AHNAK2: variants seen among roughly 807,000 people sequenced by gnomAD.
AHNAK2 encodes AHNAK nucleoprotein 2.
AHNAK2 carries 18 observed loss-of-function variants against 30.7 expected under a neutral mutation model. The observed-to-expected ratio is 0.59, with a 90% CI of 0.41 to 0.87. The LOEUF is 0.87. Among genes scored for constraint, AHNAK2 ranks in the 40% least tolerant of loss-of-function variants. The pLI, the probability that AHNAK2 is intolerant of heterozygous loss-of-function variation, is 0.00. For synonymous variants in AHNAK2, 3,590 were observed against 3,073.8 expected (o/e 1.17, Z -5.56); for missense variants, 8,604 against 7,373.0 (o/e 1.17, Z -6.11).
At position 104,952,032 on chromosome 14, in the gene AHNAK2, A is replaced by G. The variant is rs746620901; in HGVS notation, c.3419T>C (p.Leu1140Pro). 1.9e-6 allele frequency: 3 copies of G among 1,612,526 alleles called. No homozygotes were observed. The East Asian group carries it at 6.7e-5, about 36-fold the overall frequency. ...EVDVEAPGAKLDSARLEGELS... is the reference protein window; with the variant it reads ...EVDVEAPGAKPDSARLEGELS... ...TTCCCCCTCCAGCCGCGCACTGTCC[A>G]GCTTGGCTCCCGGGGCCTCGACGTC... The change falls in exon 7 of 7, where the codon CTG becomes CCG. Residue 1140 changes from leucine to proline, a missense_variant. Physicochemically the swap from Leu to Pro is moderately conservative, Grantham distance 98. Transcript: ENST00000333244.
Position 104,953,072 on chromosome 14 carries a change from C to G in AHNAK2, c.2379G>C (p.Lys793Asn). The G allele has an allele frequency of 1.9e-6, 3 of 1,613,436 alleles. No homozygotes were observed. The highest frequency in any genetic ancestry group is 1.1e-5 in the South Asian group (1 of 91,066). The change falls in exon 7 of 7, where the codon AAG becomes AAC. Residue 793 changes from lysine to asparagine, a missense_variant. By Grantham distance (94) the Lys-to-Asn change is moderately conservative (BLOSUM62 0). Coordinates refer to ENST00000333244, the MANE Select transcript of AHNAK2 (RefSeq NM_138420.4). ...CCACCTCCATGCTGGACAGAGACAT[C>G]TTCACATCGGGGGCTGTCACTTCCG... Reference protein sequence around the residue: ...PKAEVTAPDVKMSLSSMEVDV... With the variant: ...PKAEVTAPDVNMSLSSMEVDV...
At position 104,961,500 on chromosome 14, in the gene AHNAK2, G is replaced by C. The variant is rs1366244001; in HGVS notation, c.56-3828C>G. ...ACTGCACTCCAGCCTGGGTGACAGC[G>C]AGACCCCATCTTAAAAAAAAAAAAA... On this transcript the variant is annotated intron_variant, in intron 1 of 6. Transcript: ENST00000333244. Among the ~76,000 whole-genome samples the C allele has an allele frequency of 4.1e-5, 6 of 147,232 alleles. No homozygotes were observed. In the East Asian group the frequency reaches 1.2e-3, roughly 30 times the overall value.
Position 104,941,733 on chromosome 14 carries a change from A to T in AHNAK2, c.13718T>A (p.Leu4573Gln). 6.2e-7 allele frequency: 1 copy of T among 1,613,836 alleles called. No homozygotes were observed. Among genetic ancestry groups the T allele is most frequent in the East Asian group, 2.2e-5 (1 of 44,852 alleles). ...GPQVDVKGPKLDLKGPKAEVM... is the reference protein window; with the variant it reads ...GPQVDVKGPKQDLKGPKAEVM... ...CTCTGCCTTTGGGCCTTTCAGGTCC[A>T]GCTTGGGGCCCTTGACGTCCACCTG... Residue 4573 changes from leucine (L) to glutamine (Q), a missense_variant, in exon 7 of 7, where the codon CTG becomes CAG. Physicochemically the swap from Leu to Gln is moderately radical, Grantham distance 113. Coordinates refer to ENST00000333244, the MANE Select transcript of AHNAK2 (RefSeq NM_138420.4).
At position 104,947,634 on chromosome 14, in the gene AHNAK2, T is replaced by A. The variant is rs1173253246; in HGVS notation, c.7817A>T (p.Asp2606Val). 5.6e-6 allele frequency: 9 copies of A among 1,612,668 alleles called. No homozygotes were observed. The highest frequency in any genetic ancestry group is 7.6e-6 in the Non-Finnish European group (9 of 1,179,606). The stretch of plus-strand genomic sequence containing the variant: ...CATGCTGGACAGAGACATCTCCACA[T>A]CGGGGGCTGTCACTTCCGCCTTGGG... Reference protein sequence around the residue: ...KGPKAEVTAPDVEMSLSSMEV... With the variant: ...KGPKAEVTAPVVEMSLSSMEV... Residue 2606 changes from aspartate to valine, a missense_variant, in exon 7 of 7, where the codon GAT (aspartate) becomes GTT (valine). Transcript: ENST00000333244.
Position 104,954,837 on chromosome 14 carries a change from C to T in AHNAK2, c.652-38G>A, listed in dbSNP as rs923047276. Reference sequence around the variant, plus strand: ...GAGAGGGAATCTGTTGGTGCCAGTCCAAGAAGCCTGGGGCCCTGGCCCAGG... The same window carrying T: ...GAGAGGGAATCTGTTGGTGCCAGTCTAAGAAGCCTGGGGCCCTGGCCCAGG... On this transcript the variant is annotated intron_variant, in intron 6 of 6. Transcript: ENST00000333244. This position sits in a 1 kb window ranked among gnomAD's most constrained non-coding sequence, Gnocchi z 4.3. 1 of 1,539,666 alleles carries T rather than the reference C, an allele frequency of 6.5e-7. No individual in the cohort carries two copies. Among genetic ancestry groups the T allele is most frequent in the African/African-American group, 1.4e-5 (1 of 72,488 alleles).
chr14:104,957,641 T>C lies in AHNAK2; in HGVS notation c.87A>G (p.Pro29=), dbSNP rs1899017339. 3 of 1,611,160 alleles carry C rather than the reference T, an allele frequency of 1.9e-6. No homozygotes were observed. The highest frequency in any genetic ancestry group is 2.5e-6 in the Non-Finnish European group (3 of 1,179,280). Reference sequence around the variant, plus strand: ...AGTGGTCATCTTCCGTTTCTGCACCTGGCTCCCCGGGCTGCAGCTGACGGC... The same window carrying C: ...AGTGGTCATCTTCCGTTTCTGCACCCGGCTCCCCGGGCTGCAGCTGACGGC... ...VSGRQLQPGE[P]GAETEDDHSV... Residue 29 remains proline, a synonymous_variant, in exon 2 of 7, where the codon CCA becomes CCG. Coordinates refer to ENST00000333244, the MANE Select transcript of AHNAK2 (RefSeq NM_138420.4).
chr14:104,949,511 G>C lies in AHNAK2; in HGVS notation c.5940C>G (p.Asp1980Glu), dbSNP rs563896817. The C allele has an allele frequency of 1.1e-4, 182 of 1,585,638 alleles. 16 individuals are homozygous for C. In the African/African-American group the frequency reaches 2.0e-3, roughly 17 times the overall value. The change falls in exon 7 of 7, where the codon GAC (aspartate) becomes GAG (glutamate). Residue 1980 changes from aspartate (D) to glutamate (E), a missense_variant. Asp to Glu is a conservative substitution (Grantham distance 45). Transcript: ENST00000333244. Reference sequence around the variant, plus strand: ...TGAACTTGCTGTCTTTGGCAGTCATGTCCTTGTCGGCCAGGGACAGGTCTC... The same window carrying C: ...TGAACTTGCTGTCTTTGGCAGTCATCTCCTTGTCGGCCAGGGACAGGTCTC... ...LEGDLSLADK[D>E]MTAKDSKFKM...
Position 104,942,899 on chromosome 14 carries a change from C to A in AHNAK2, c.12552G>T (p.Gln4184His). 1 of 1,612,862 alleles carries A rather than the reference C, an allele frequency of 6.2e-7. No homozygotes were observed. The highest frequency in any genetic ancestry group is 8.5e-7 in the Non-Finnish European group (1 of 1,179,542). Residue 4184 changes from glutamine (Q) to histidine (H), a missense_variant, in exon 7 of 7, where the codon CAG becomes CAT. Gln to His is a conservative substitution (Grantham distance 24). Coordinates refer to ENST00000333244, the MANE Select transcript of AHNAK2 (RefSeq NM_138420.4). ...GGACCTCCAGGTCGGCGGAAGGGGA[C>A]TGAATGCTGAGGTCAGTGGTCTTGA... ...GDLKTTDLSI[Q>H]SPSADLEVQA...
At chr14:104,976,793 A>G (rs1428694857) in intron 1 of AHNAK2, among the ~76,000 whole-genome samples, 1 of 127,352 alleles carries the variant, frequency 7.9e-6, no homozygotes, top group Non-Finnish European at 2.0e-5. Flanking sequence ...GAAGCAGAGC[A>G]GAAAGGCTGT....
In AHNAK2 at chr14:104,940,337, G is replaced by A. The variant is rs761470426; in HGVS notation, c.15114C>T (p.Val5038=). ...GATCCACGTCTCTCTGTGGCAGGCT[G>A]ACCCCACTCTTAGAAGCCTTCATTT... The part of the protein sequence containing the change: ...LPKMKASKSG[V]SLPQRDVDPS... The change falls in exon 7 of 7, where the codon GTC becomes GTT. Residue 5038 remains valine, a synonymous_variant. Transcript: ENST00000333244. This position sits in a 1 kb window ranked among gnomAD's most constrained non-coding sequence, Gnocchi z 4.4. 1.2e-6 allele frequency: 2 copies of A among 1,613,788 alleles called. No homozygotes were observed. The highest frequency in any genetic ancestry group is 2.2e-5 in the South Asian group (2 of 91,076).
At position 104,953,701 on chromosome 14, in the gene AHNAK2, T is replaced by G. The variant is rs541264816; in HGVS notation, c.1750A>C (p.Lys584Gln). ...CATCCTAAGGAGGGTATCTTGAACT[T>G]GGGCATTCTTATCTGTCCTTCTGTG... is the stretch of plus-strand genomic sequence containing the variant. Reference protein sequence around the residue: ...EDTEGQIRMPKFKIPSLGWSP... With the variant: ...EDTEGQIRMPQFKIPSLGWSP... The change falls in exon 7 of 7, where the codon AAG becomes CAG. Residue 584 changes from lysine to glutamine, a missense_variant. Transcript: ENST00000333244. The G allele has an allele frequency of 6.2e-7, 1 of 1,613,986 alleles. No individual in the cohort carries two copies.
chr14:104,942,670 G>A lies in AHNAK2; in HGVS notation c.12781C>T (p.Leu4261=), dbSNP rs768715378. 1.6e-5 allele frequency: 26 copies of A among 1,613,318 alleles called. No homozygotes were observed. The highest frequency in any genetic ancestry group is 2.1e-5 in the Non-Finnish European group (25 of 1,179,714). The change falls in exon 7 of 7, where the codon CTG becomes TTG. Residue 4261 remains leucine (L), a synonymous_variant. Coordinates refer to ENST00000333244, the MANE Select transcript of AHNAK2 (RefSeq NM_138420.4). ...TCGACGTCCACCTCCATGCTGGGCA[G>A]AGACACCTCCACGACGGGGGTCATC... ...DVMTPVVEVS[L]PSMEVDVEAP...
Position 104,939,563 on chromosome 14 carries a change from C to A in AHNAK2, c.15888G>T (p.Glu5296Asp). The A allele has an allele frequency of 6.2e-7, 1 of 1,613,858 alleles. No individual in the cohort carries two copies. Among genetic ancestry groups the A allele is most frequent in the East Asian group, 2.2e-5 (1 of 44,884 alleles). ...GTCCTTTGGATGGATGGATCCTGACCTCAGAAGTGGAAAGCTCATCCCCAG... is the reference window on the plus strand; with the variant it reads ...GTCCTTTGGATGGATGGATCCTGACATCAGAAGTGGAAAGCTCATCCCCAG... ...GMTGDELSTS[E>D]VRIHPSKGPL... Residue 5296 changes from glutamate (E) to aspartate (D), a missense_variant, in exon 7 of 7, where the codon GAG becomes GAT. Transcript: ENST00000333244.
chr14:104,951,056 G>A lies in AHNAK2; in HGVS notation c.4395C>T (p.Ala1465=), dbSNP rs368338741. 23 of 1,062,454 alleles carry A rather than the reference G, an allele frequency of 2.2e-5. 1 individual carries two copies. In the East Asian group the frequency reaches 3.9e-4, roughly 18 times the overall value. The allele number at this position is 1,062,454 out of a possible 1,614,324, so 65.8% of individuals were successfully genotyped here. ...GTCCACCATCCAGCTTGGCTCCTGG[G>A]GCCTCGACATCCACCTCCACGCTGG... is the stretch of plus-strand genomic sequence containing the variant. ...SLPSVEVDVE[A]PGAKLDGGRL... is the part of the protein sequence containing the mutation. The change falls in exon 7 of 7, where the codon GCC becomes GCT. Residue 1465 remains alanine, a synonymous_variant. Transcript: ENST00000333244.
At position 104,948,884 on chromosome 14, in the gene AHNAK2, G is replaced by A; in HGVS notation, c.6567C>T (p.Leu2189=). ...TCTTGAGGTCCCCCTGCATGGAGGGGAGACTCATGTCGGCCTCCACCTTGG... is the reference window on the plus strand; with the variant it reads ...TCTTGAGGTCCCCCTGCATGGAGGGAAGACTCATGTCGGCCTCCACCTTGG... The part of the protein sequence containing the change: ...SPPKVEADMS[L]PSMQGDLKTT... The change falls in exon 7 of 7, where the codon CTC becomes CTT. Residue 2189 remains leucine (L), a synonymous_variant. Transcript: ENST00000333244. 1.2e-6 allele frequency: 2 copies of A among 1,609,044 alleles called. No homozygotes were observed. The highest frequency in any genetic ancestry group is 1.7e-6 in the Non-Finnish European group (2 of 1,177,916).
In AHNAK2 at chr14:104,940,010, A is replaced by G. The variant is rs1175859370; in HGVS notation, c.15441T>C (p.Cys5147=). ...GLGDVPVSQP[C]GEGIAPTPED... ...CAGGTGTGGGGGCTATCCCCTCCCC[A>G]CAAGGCTGGCTCACTGGGACATCCC... The change falls in exon 7 of 7, where the codon TGT becomes TGC. Residue 5147 remains cysteine, a synonymous_variant. Coordinates refer to ENST00000333244, the MANE Select transcript of AHNAK2 (RefSeq NM_138420.4). This position sits in a 1 kb window ranked among gnomAD's most constrained non-coding sequence, Gnocchi z 4.4. 4 of 1,612,716 alleles carry G rather than the reference A, an allele frequency of 2.5e-6. No homozygotes were observed. The highest frequency in any genetic ancestry group is 3.3e-4 in the Middle Eastern group (2 of 6,062).
rs759586976 is a variant in AHNAK2, at chr14:104,947,781, G to A, written c.7670C>T (p.Pro2557Leu). 6.2e-6 allele frequency: 10 copies of A among 1,612,496 alleles called. No individual in the cohort carries two copies. Among genetic ancestry groups the A allele is most frequent in the African/African-American group, 2.7e-5 (2 of 74,408 alleles). ...VDVKLPEGPV[P>L]EGAGLKGHLP... Reference sequence around the variant, plus strand: ...GTGCCCTTTGAGGCCGGCTCCCTCCGGCACAGGGCCCTCTGGGAGTTTCAC... The same window carrying A: ...GTGCCCTTTGAGGCCGGCTCCCTCCAGCACAGGGCCCTCTGGGAGTTTCAC... Residue 2557 changes from proline (P) to leucine (L), a missense_variant, in exon 7 of 7, where the codon CCG becomes CTG. Physicochemically the swap from Pro to Leu is moderately conservative, Grantham distance 98. Coordinates refer to ENST00000333244, the MANE Select transcript of AHNAK2 (RefSeq NM_138420.4).
In AHNAK2 at chr14:104,947,456, C is replaced by T; in HGVS notation, c.7995G>A (p.Glu2665=). 1 of 1,612,760 alleles carries T rather than the reference C, an allele frequency of 6.2e-7. No homozygotes were observed. ...MPSFRVSAPG[E]SIEALVDVSE... ...ACACATCCACCAACGCCTCGATGGA[C>T]TCGCCTGGGGCCGACACCCTGAATG... Residue 2665 remains glutamate, a synonymous_variant, in exon 7 of 7, where the codon GAG becomes GAA. Transcript: ENST00000333244.
chr14:104,970,530 CG>C, intron 1 of AHNAK2: 8 of 985,552 alleles, frequency 8.1e-6, no homozygotes, highest in Non-Finnish European at 9.6e-6. Flanking sequence ...CTGCCACGCC[CG>C]GTTCTTCCCT....
Sources: gnomAD v4.1 joint callset for allele counts (sites outside exome capture counted in the v4.1 genomes callset) on GRCh38, gnomAD v4.1.1 for gene constraint, Gnocchi (gnomAD v3.1) non-coding constraint, MANE v1.5 for transcripts, NCBI Gene and HGNC (gene_info 2026-07-23, HGNC 2026-07-21) for gene names.